Variants in NRXN3 observed in about 807,000 individuals in gnomAD.
NRXN3 encodes neurexin III.
Under a neutral mutation model 137.6 loss-of-function variants are expected in NRXN3, and 32 were observed. That is an observed-to-expected ratio of 0.23 (90% confidence interval 0.18 to 0.31). NRXN3 has a LOEUF of 0.31. Ranked by LOEUF, NRXN3 falls within the 10% of genes least tolerant of loss-of-function variation. The pLI is 1.00. For synonymous variants in NRXN3, 798 were observed against 784.5 expected, an observed-to-expected ratio of 1.02 and a Z score of -0.29; for missense variants, 1,574 against 2,062.5, an observed-to-expected ratio of 0.76 and a Z score of 4.59.
chr14:79,295,187 C>G (rs2083859168), intron 15 of NRXN3, among the ~76,000 whole-genome samples: 1 of 152,036 alleles, frequency 6.6e-6, no homozygotes, highest in Admixed American at 6.6e-5. Flanking sequence ...TTTTTCCCCC[C>G]TTGAATATAT....
At chr14:79,442,015 A>G (rs563033996) in intron 15 of NRXN3, among the ~76,000 whole-genome samples, 4 of 152,092 alleles carry the variant, frequency 2.6e-5, no homozygotes, top group Non-Finnish European at 5.9e-5. Context: ...GAGTATAGGA[A>G]GCATCAGGGC....
intron 16 of NRXN3, among the ~76,000 whole-genome samples, chr14:79,560,503 G>GTTTTTTTTTTT (rs1567504638): frequency 5.8e-4 from 23 of 39,534 alleles, no homozygotes; most frequent in Non-Finnish European, 1.1e-3. Flanking sequence ...AAGATTGTAA[G>GTTTTTTTTTTT]CTTTTTTTTT....
intron 4 of NRXN3, among the ~76,000 whole-genome samples, chr14:78,596,212 G>A (rs918851668): frequency 3.9e-5 from 6 of 152,194 alleles, no homozygotes; most frequent in Non-Finnish European, 7.3e-5. Context: ...CTAGATACAG[G>A]ACTAAAGTCA....
At chr14:79,339,822 A>T (rs972388989) in intron 15 of NRXN3, among the ~76,000 whole-genome samples, 18 of 152,108 alleles carry the variant, frequency 1.2e-4, no homozygotes, top group Admixed American at 5.9e-4. Context: ...TCCCAATTTC[A>T]TCTGAGAAAT....
intron 5 of NRXN3, chr14:78,649,377 A>C: frequency 3.5e-6 from 2 of 567,580 alleles, no homozygotes; most frequent in Admixed American, 4.1e-5. Context: ...TTTCCTCTCC[A>C]ACCCCCCCTT....
intron 4 of NRXN3, among the ~76,000 whole-genome samples, chr14:78,376,848 T>C (rs1461674778): frequency 6.6e-6 from 1 of 152,208 alleles, no homozygotes; most frequent in Non-Finnish European, 1.5e-5. Context: ...GGTAAAATGA[T>C]GACACGAGTG....
chr14:79,147,124 A>G (rs1291370098), intron 15 of NRXN3, among the ~76,000 whole-genome samples: 1 of 151,994 alleles, frequency 6.6e-6, no homozygotes, highest in African/African-American at 2.4e-5. Context: ...AAAGAAGGAG[A>G]TCACTGACCA....
At chr14:78,181,184 A>G (rs2059775032) in intron 1 of NRXN3, among the ~76,000 whole-genome samples, 1 of 152,154 alleles carries the variant, frequency 6.6e-6, no homozygotes. Context: ...TTTTTTTCTC[A>G]TTAGAATAAC....
intron 15 of NRXN3, among the ~76,000 whole-genome samples, chr14:79,206,513 A>G (rs1474433336): frequency 1.3e-5 from 2 of 152,216 alleles, no homozygotes; most frequent in Admixed American, 1.3e-4. Flanking sequence ...CTCCAGAGAC[A>G]GGTGGTGAGA....
Position 79,391,602 on chromosome 14 carries a change from A to T in NRXN3, c.3263-75619A>T, listed in dbSNP as rs7153126. Among the ~76,000 whole-genome samples, 1,195 of 152,340 alleles carry T rather than the reference A, an allele frequency of 7.8e-3. 17 individuals carry two copies. The highest frequency in any genetic ancestry group is 0.026 in the African/African-American group (1,090 of 41,582). On this transcript the variant is annotated intron_variant, in intron 15 of 20. Coordinates refer to ENST00000335750, the MANE Select transcript of NRXN3 (RefSeq NM_001330195.2). ...TCAAGGGATGTCATAAATATCGTAAAACTAAAGGGTGAGCTGTATCAAAAC... is the reference window on the plus strand; with the variant it reads ...TCAAGGGATGTCATAAATATCGTAATACTAAAGGGTGAGCTGTATCAAAAC...
intron 15 of NRXN3, among the ~76,000 whole-genome samples, chr14:79,100,646 T>C (rs912193212): frequency 6.6e-6 from 1 of 152,192 alleles, no homozygotes; most frequent in Non-Finnish European, 1.5e-5. Context: ...GCAGAGCTGC[T>C]AATCTGTAGG....
intron 16 of NRXN3, among the ~76,000 whole-genome samples, chr14:79,489,884 A>C (rs1365161334): frequency 6.6e-6 from 1 of 151,460 alleles, no homozygotes; most frequent in African/African-American, 2.4e-5. Flanking sequence ...CTAAAAATAC[A>C]AAAAATTAGC....
At chr14:78,563,758 T>C (rs1325673838) in intron 4 of NRXN3, among the ~76,000 whole-genome samples, 1 of 152,090 alleles carries the variant, frequency 6.6e-6, no homozygotes, top group African/African-American at 2.4e-5. Flanking sequence ...AGAACTAGGA[T>C]GAGATCATTC....
At chr14:78,318,601 GGATTTT>G (rs1338407140) in intron 4 of NRXN3, among the ~76,000 whole-genome samples, 1 of 152,130 alleles carries the variant, frequency 6.6e-6, no homozygotes, top group Non-Finnish European at 1.5e-5. Context: ...ATTTCATCTA[GGATTTT>G]GAGGCAGCAA....
In NRXN3 at chr14:79,369,171, G is replaced by A. The variant is rs10133313; in HGVS notation, c.3263-98050G>A. ...AGGAAGTTCCAAAACTAGGTAGAGG[G>A]TATAATCAAAGGTGGGTACAATGGA... On this transcript the variant is annotated intron_variant, in intron 15 of 20. Transcript: ENST00000335750. Among the ~76,000 whole-genome samples, 1,111 of 152,278 alleles carry A rather than the reference G, an allele frequency of 7.3e-3. 15 individuals are homozygous for A. Among genetic ancestry groups the A allele is most frequent in the African/African-American group, 0.025 (1,039 of 41,546 alleles).
intron 1 of NRXN3, among the ~76,000 whole-genome samples, chr14:78,207,888 TG>T (rs2062367413): frequency 6.6e-6 from 1 of 152,184 alleles, no homozygotes; most frequent in African/African-American, 2.4e-5. Flanking sequence ...TGACGTATGG[TG>T]GTAGAAATCT....
intron 4 of NRXN3, among the ~76,000 whole-genome samples, chr14:78,397,355 C>CT (rs36120354): frequency 0.077 from 11,609 of 151,750 alleles, 633 homozygotes; most frequent in Admixed American, 0.15. Context: ...ACCTTCTTCT[C>CT]TTTTCTTGCT....
intron 15 of NRXN3, among the ~76,000 whole-genome samples, chr14:79,267,361 T>G (rs1354823019): frequency 8.5e-6 from 1 of 118,022 alleles, no homozygotes; most frequent in Non-Finnish European, 1.8e-5. Flanking sequence ...GATCATTTAA[T>G]TTTTTTTTTT....
intron 15 of NRXN3, among the ~76,000 whole-genome samples, chr14:79,176,647 G>T (rs2062374843): frequency 6.6e-6 from 1 of 152,102 alleles, no homozygotes; most frequent in South Asian, 2.1e-4. Flanking sequence ...TCTTTCTCCT[G>T]AATTGCTTAT....
Sources: gnomAD v4.1 joint callset for allele counts (sites outside exome capture counted in the v4.1 genomes callset) on GRCh38, gnomAD v4.1.1 for gene constraint, MANE v1.5 for transcripts, NCBI Gene and HGNC (gene_info 2026-07-23, HGNC 2026-07-21) for gene names.